CLEC3A: variants seen among roughly 807,000 people sequenced by gnomAD.
CLEC3A encodes the protein C-type (calcium dependent, carbohydrate-recognition domain) lectin, superfamily member 1 (cartilage-derived).
Under a neutral mutation model 20.4 loss-of-function variants are expected in CLEC3A, and 28 were observed. The observed-to-expected ratio is 1.37, with a 90% confidence interval of 1.02 to 1.88. The LOEUF (loss-of-function observed/expected upper bound fraction) is 1.88, where lower values mean the gene tolerates loss of function less well. CLEC3A is among the 40% of genes most tolerant of loss of function. The probability of loss-of-function intolerance (pLI) is 0.00; values close to 1 mark genes in which losing one functional copy is unlikely to be tolerated. For missense variants in CLEC3A, 357 were observed against 240.4 expected (o/e 1.48, Z -3.21); for synonymous variants, 110 against 88.1 (o/e 1.25, Z -1.39).
At chr16:78,027,441 C>T (rs2142591189) in intron 1 of CLEC3A, among the ~76,000 whole-genome samples, 1 of 152,228 alleles carries the variant, frequency 6.6e-6, no homozygotes, top group African/African-American at 2.4e-5. Context: ...GCAGAAGGAA[C>T]ACACAGGGAA....
At chr16:78,026,989 G>T (rs1237650089) in intron 1 of CLEC3A, among the ~76,000 whole-genome samples, 1 of 152,188 alleles carries the variant, frequency 6.6e-6, no homozygotes, top group East Asian at 1.9e-4. Context: ...ATCAGTCAGA[G>T]TATGAATTCT....
intron 2 of CLEC3A, 126 bp downstream of exon 2, chr16:78,028,316 C>A: frequency 1.6e-6 from 1 of 621,642 alleles, no homozygotes. Context: ...AAGAGGGCCC[C>A]AATGCCGGGA....
At chr16:78,026,649 T>G (rs2029931472) in intron 1 of CLEC3A, among the ~76,000 whole-genome samples, 1 of 152,204 alleles carries the variant, frequency 6.6e-6, no homozygotes, top group African/African-American at 2.4e-5. Flanking sequence ...AAACAGTATG[T>G]GGAAGCTTTT....
chr16:78,025,855 C>A (rs1475855057), intron 1 of CLEC3A, among the ~76,000 whole-genome samples: 1 of 151,964 alleles, frequency 6.6e-6, no homozygotes, highest in Non-Finnish European at 1.5e-5. Context: ...ATAACCATCT[C>A]CCAGGAGCCT....
intron 1 of CLEC3A, among the ~76,000 whole-genome samples, chr16:78,023,972 T>C (rs1002415629): frequency 6.6e-6 from 1 of 152,050 alleles, no homozygotes; most frequent in Non-Finnish European, 1.5e-5. Flanking sequence ...TTAGCCAGGA[T>C]GGTCTCGATC....
At position 78,029,923 on chromosome 16, in the gene CLEC3A, G is replaced by C. The variant is rs924476640; in HGVS notation, c.200-524G>C. Reference sequence around the variant, plus strand: ...AATCCAAGCACTTTGGGAGGCCGAGGCAGGCGGATCATGAGGTCAGGAGAT... The same window carrying C: ...AATCCAAGCACTTTGGGAGGCCGAGCCAGGCGGATCATGAGGTCAGGAGAT... On this transcript the variant is annotated intron_variant, in intron 2 of 2. Coordinates refer to ENST00000299642, the MANE Select transcript of CLEC3A (RefSeq NM_005752.6). 2.0e-5 allele frequency among the ~76,000 whole-genome samples: 3 copies of C among 152,034 alleles called. No individual in the cohort carries two copies. In the East Asian group the frequency reaches 5.8e-4, roughly 30 times the overall value.
At chr16:78,027,807 C>A (rs148719142) in intron 1 of CLEC3A, among the ~76,000 whole-genome samples, 1 of 152,188 alleles carries the variant, frequency 6.6e-6, no homozygotes, top group Non-Finnish European at 1.5e-5. Flanking sequence ...AGGCATTCAA[C>A]ACCATGCCCA....
intron 2 of CLEC3A, 105 bp downstream of exon 2, chr16:78,028,295 A>C (rs982086484): frequency 5.6e-6 from 4 of 710,276 alleles, no homozygotes; most frequent in Non-Finnish European, 8.9e-6. Flanking sequence ...CAAATCAATA[A>C]TGTGGCCAAT....
At chr16:78,022,993 G>T (rs1483606306) in intron 1 of CLEC3A, among the ~76,000 whole-genome samples, 1 of 152,174 alleles carries the variant, frequency 6.6e-6, no homozygotes, top group Admixed American at 6.5e-5. Context: ...ATTCTGTGTT[G>T]TATATTTTTT....
At chr16:78,027,566 G>C (rs1397058693) in intron 1 of CLEC3A, among the ~76,000 whole-genome samples, 1 of 152,194 alleles carries the variant, frequency 6.6e-6, no homozygotes, top group East Asian at 1.9e-4. Flanking sequence ...CTAGTATTAT[G>C]ATTGCCATGA....
At chr16:78,027,514 G>C (rs1292112982) in intron 1 of CLEC3A, among the ~76,000 whole-genome samples, 1 of 152,198 alleles carries the variant, frequency 6.6e-6, no homozygotes, top group African/African-American at 2.4e-5. Context: ...CACAGGATGT[G>C]ACTGGAGAGA....
intron 1 of CLEC3A, among the ~76,000 whole-genome samples, chr16:78,025,996 A>G (rs190772100): frequency 5.7e-4 from 87 of 152,324 alleles, no homozygotes; most frequent in Non-Finnish European, 1.1e-3. Flanking sequence ...GACAGCTTAT[A>G]CCTTGGAAGA....
chr16:78,022,785 T>A (rs1334278761), intron 1 of CLEC3A, 44 bp downstream of exon 1: 1 of 1,601,898 alleles, frequency 6.2e-7, no homozygotes, highest in Non-Finnish European at 8.5e-7. Flanking sequence ...GCTTAGACAG[T>A]GTGGGGAGGT....
chr16:78,027,846 G>C (rs2029971012), intron 1 of CLEC3A, among the ~76,000 whole-genome samples: 1 of 152,162 alleles, frequency 6.6e-6, no homozygotes, highest in Non-Finnish European at 1.5e-5. Flanking sequence ...AGTAGAGACA[G>C]GGTTTTGCTA....
At position 78,022,558 on chromosome 16, in the gene CLEC3A, T is replaced by C. The variant is rs1243018473; in HGVS notation, c.-69T>C. 1 of 1,580,038 alleles carries C rather than the reference T, an allele frequency of 6.3e-7. No individual in the cohort carries two copies. The highest frequency in any genetic ancestry group is 1.2e-5 in the South Asian group (1 of 86,780). On this transcript the variant is annotated 5_prime_UTR_variant, in exon 1 of 3. Transcript: ENST00000299642. ...CAGGCATCCCAGAGCAAGATGTAGC[T>C]GTGTAGTCTCCTTCCATAGCTGCTC...
At chr16:78,025,109 T>G (rs921002428) in intron 1 of CLEC3A, among the ~76,000 whole-genome samples, 2 of 152,238 alleles carry the variant, frequency 1.3e-5, no homozygotes, top group African/African-American at 4.8e-5. Flanking sequence ...ATACCCAGCC[T>G]ATTCCCAGAG....
At chr16:78,030,152 C>CAAAAAAAA (rs56784347) in intron 2 of CLEC3A, among the ~76,000 whole-genome samples, 3 of 100,282 alleles carry the variant, frequency 3.0e-5, no homozygotes, top group African/African-American at 4.2e-5. Flanking sequence ...GACTCCAACT[C>CAAAAAAAA]AAAAAAAAAA....
At chr16:78,030,168 A>AAAT (rs1268853436) in intron 2 of CLEC3A, among the ~76,000 whole-genome samples, 1 of 151,802 alleles carries the variant, frequency 6.6e-6, no homozygotes, top group East Asian at 1.9e-4. Context: ...AAAAAAAAAA[A>AAAT]AAATGCTAAG....
intron 2 of CLEC3A, among the ~76,000 whole-genome samples, chr16:78,029,678 A>T (rs1597153645): frequency 3.3e-5 from 5 of 151,794 alleles, no homozygotes; most frequent in Admixed American, 2.0e-4. Context: ...TTTTTTTTTT[A>T]AACAAATATT....
Sources: gnomAD v4.1 joint callset for allele counts (sites outside exome capture counted in the v4.1 genomes callset) on GRCh38, gnomAD v4.1.1 for gene constraint, MANE v1.5 for transcripts, NCBI Gene and HGNC (gene_info 2026-07-23, HGNC 2026-07-21) for gene names.